The following ARHGAP21 variants were observed in gnomAD, a reference collection of about 807,000 sequenced individuals.
ARHGAP21 encodes the protein rho GTPase-activating protein 21.
In ARHGAP21, 38 loss-of-function variants were observed where a neutral mutation model predicts 164.6. The observed-to-expected ratio is 0.23, with a 90% CI of 0.18 to 0.30. ARHGAP21 has a LOEUF of 0.30. Ranked by LOEUF, ARHGAP21 falls within the 10% of genes least tolerant of loss-of-function variation. The probability of loss-of-function intolerance (pLI) is 1.00; values close to 1 mark genes in which losing one functional copy is unlikely to be tolerated. For synonymous variants in ARHGAP21, 766 were observed against 857.9 expected (o/e 0.89, Z 1.87); for missense variants, 1,822 against 2,370.7 (o/e 0.77, Z 4.81).
rs1834402585 is a variant in ARHGAP21 at position 24,620,192 on chromosome 10, T to C, written c.1703A>G (p.Asp568Gly). The stretch of plus-strand genomic sequence containing the variant: ...TCCTCTACCACTCATTCGCCTGTTA[T>C]CAGAATTAACAACGCTTGGAGCCAC... ...FTVAPSVVNSDNRRMSGRGVG... is the reference protein window; with the variant it reads ...FTVAPSVVNSGNRRMSGRGVG... The change falls in exon 9 of 26, where the codon GAT becomes GGT. Residue 568 changes from aspartate to glycine, a missense_variant. Asp to Gly is a moderately conservative substitution (Grantham distance 94, BLOSUM62 -1). Transcript: ENST00000396432. 8 of 1,614,004 alleles carry C rather than the reference T, an allele frequency of 5.0e-6. No individual in the cohort carries two copies. Among genetic ancestry groups the C allele is most frequent in the East Asian group, 2.2e-5 (1 of 44,882 alleles).
chr10:24,676,282 T>G (rs940875071), intron 2 of ARHGAP21, among the ~76,000 whole-genome samples: 2 of 152,246 alleles, frequency 1.3e-5, no homozygotes, highest in African/African-American at 2.4e-5. Context: ...AGTCTATCTC[T>G]TTTTTGCCAA....
At chr10:24,600,572 T>A in intron 14 of ARHGAP21, 74 bp downstream of exon 14, 4 of 1,502,050 alleles carry the variant, frequency 2.7e-6, no homozygotes, top group Non-Finnish European at 2.7e-6. Context: ...AAATGATATA[T>A]CATATTCCTT....
chr10:24,619,845 A>C lies in ARHGAP21; in HGVS notation c.2050T>G (p.Ser684Ala), dbSNP rs1282756606. The change falls in exon 9 of 26, where the codon TCT (serine) becomes GCT (alanine). Residue 684 changes from serine to alanine, a missense_variant. Around this residue, in one of 5 missense-constraint regions of ARHGAP21, gnomAD observed 1,090 missense variants for 1,378.9 expected, o/e 0.79. Coordinates refer to ENST00000396432, the MANE Select transcript of ARHGAP21 (RefSeq NM_020824.4). ...GGCTTGGCAGAGGCTCCAGATAAAG[A>C]GGGGGATTTCCCAGTCTCCACTTGC... is the stretch of plus-strand genomic sequence containing the variant. ...DQQVETGKSP[S>A]LSGASAKPAP... The C allele has an allele frequency of 6.2e-7, 1 of 1,614,114 alleles. No homozygotes were observed. The highest frequency in any genetic ancestry group is 2.2e-5 in the East Asian group (1 of 44,886).
At chr10:24,637,447 G>T (rs932155948) in intron 4 of ARHGAP21, among the ~76,000 whole-genome samples, 1 of 152,038 alleles carries the variant, frequency 6.6e-6, no homozygotes, top group African/African-American at 2.4e-5. Context: ...CTGCTTTCAT[G>T]GAAAGATTTA....
rs1459928430 is a variant in ARHGAP21 at position 24,585,854 on chromosome 10, T to C, written c.4435A>G (p.Thr1479Ala). 3 of 1,614,018 alleles carry C rather than the reference T, an allele frequency of 1.9e-6. No homozygotes were observed. The highest frequency in any genetic ancestry group is 2.5e-6 in the Non-Finnish European group (3 of 1,179,892). Residue 1479 changes from threonine to alanine, a missense_variant, in exon 26 of 26, where the codon ACT becomes GCT. Thr to Ala is a moderately conservative substitution (Grantham distance 58). Transcript: ENST00000396432. ...QKIIIAKENS[T>A]RKDPSTTKDE... ...TTTGTCGTGCTGGGGTCTTTCCTAGTGCTGTTTTCTTTGGCAATGATGATC... is the reference window on the plus strand; with the variant it reads ...TTTGTCGTGCTGGGGTCTTTCCTAGCGCTGTTTTCTTTGGCAATGATGATC...
rs570276175 is a variant in ARHGAP21 at position 24,722,292 on chromosome 10, G to T, written c.-380-13C>A. 3.3e-5 allele frequency: 7 copies of T among 210,870 alleles called. No individual in the cohort carries two copies. The South Asian group carries it at 5.3e-4, about 16-fold the overall frequency. 13.1% of individuals were successfully genotyped at this position (210,870 alleles called of 1,614,324 possible). A position where few individuals can be genotyped will look rare whatever the true frequency, so the allele number is the denominator to read the frequency against. ...TCCTAGAGAGATCCTAGGAAAACGAGAAGTTAAAGGTCATGAACTTTCTCC... is the reference window on the plus strand; with the variant it reads ...TCCTAGAGAGATCCTAGGAAAACGATAAGTTAAAGGTCATGAACTTTCTCC... On this transcript the variant is annotated splice_polypyrimidine_tract_variant and intron_variant, in intron 1 of 25. Transcript: ENST00000396432.
At chr10:24,680,214 C>A (rs549638678) in intron 2 of ARHGAP21, among the ~76,000 whole-genome samples, 7 of 152,152 alleles carry the variant, frequency 4.6e-5, no homozygotes, top group Admixed American at 3.9e-4. Flanking sequence ...AATTGTTTTT[C>A]ATCATCTCTT....
Position 24,654,452 on chromosome 10 carries a change from C to T in ARHGAP21, c.268+12533G>A, listed in dbSNP as rs560132930. 3.9e-5 allele frequency among the ~76,000 whole-genome samples: 6 copies of T among 152,222 alleles called. No homozygotes were observed. The East Asian group carries it at 1.2e-3, about 29-fold the overall frequency. ...AGTCTTAGGATACAAAATCAATGTG[C>T]AAAAATCACAAGCATTCCTATACAC... is the stretch of plus-strand genomic sequence containing the variant. On this transcript the variant is annotated intron_variant, in intron 4 of 25. Transcript: ENST00000396432.
At chr10:24,681,390 G>C (rs1003016897) in intron 2 of ARHGAP21, among the ~76,000 whole-genome samples, 1 of 152,132 alleles carries the variant, frequency 6.6e-6, no homozygotes, top group Non-Finnish European at 1.5e-5. Context: ...GAAAGAGATA[G>C]GGCTGTCACA....
At chr10:24,595,639 G>T in intron 19 of ARHGAP21, 78 bp downstream of exon 19, 1 of 1,426,266 alleles carries the variant, frequency 7.0e-7, no homozygotes, top group Non-Finnish European at 9.7e-7. Context: ...TTTTGTCCTT[G>T]TTCAATTTAA....
At chr10:24,706,282 AAT>A (rs1353637120) in intron 2 of ARHGAP21, among the ~76,000 whole-genome samples, 12 of 152,348 alleles carry the variant, frequency 7.9e-5, no homozygotes, top group African/African-American at 2.4e-4. Flanking sequence ...AAGCTCTGCA[AAT>A]AGTCTCATCT....
intron 2 of ARHGAP21, among the ~76,000 whole-genome samples, chr10:24,684,416 C>T (rs897491649): frequency 3.9e-4 from 59 of 152,228 alleles, no homozygotes; most frequent in Non-Finnish European, 6.5e-4. Context: ...CCACATTTAA[C>T]TATTACTACA....
At chr10:24,612,927 A>G (rs1386805299) in intron 9 of ARHGAP21, among the ~76,000 whole-genome samples, 2 of 152,320 alleles carry the variant, frequency 1.3e-5, no homozygotes, top group African/African-American at 2.4e-5. Flanking sequence ...GCCTTCTGAG[A>G]TATACACTCA....
intron 9 of ARHGAP21, among the ~76,000 whole-genome samples, chr10:24,609,414 G>C (rs1160974633): frequency 6.6e-6 from 1 of 152,196 alleles, no homozygotes; most frequent in South Asian, 2.1e-4. Flanking sequence ...AAACAGGTGG[G>C]AGGATAGATA....
intron 14 of ARHGAP21, among the ~76,000 whole-genome samples, chr10:24,598,835 T>C (rs2076692727): frequency 1.3e-5 from 2 of 152,220 alleles, no homozygotes; most frequent in African/African-American, 2.4e-5. Context: ...AGAATAAGAC[T>C]GCCTGGATTT....
chr10:24,598,779 T>C (rs185685198), intron 14 of ARHGAP21, among the ~76,000 whole-genome samples: 59 of 152,340 alleles, frequency 3.9e-4, no homozygotes, highest in Admixed American at 9.8e-4. Context: ...TGAATTTAAA[T>C]AGACTCTTCC....
intron 9 of ARHGAP21, among the ~76,000 whole-genome samples, chr10:24,618,220 G>C (rs1368394267): frequency 6.6e-6 from 1 of 152,102 alleles, no homozygotes; most frequent in Non-Finnish European, 1.5e-5. Context: ...CATTTAACCA[G>C]CATTTCAAAA....
chr10:24,668,490 C>A (rs978089662), intron 3 of ARHGAP21, among the ~76,000 whole-genome samples: 12 of 152,156 alleles, frequency 7.9e-5, no homozygotes, highest in African/African-American at 2.7e-4. Context: ...CAGGGTTAGG[C>A]CCCACCTCAT....
intron 2 of ARHGAP21, among the ~76,000 whole-genome samples, chr10:24,683,602 C>T (rs925639537): frequency 3.3e-5 from 5 of 152,094 alleles, no homozygotes; most frequent in Non-Finnish European, 7.4e-5. Context: ...AGCAATCCTC[C>T]CACCTCAGCC....
Sources: gnomAD v4.1 joint callset for allele counts (sites outside exome capture counted in the v4.1 genomes callset) on GRCh38, gnomAD v4.1.1 for gene constraint, gnomAD v4.1.1 regional missense constraint, MANE v1.5 for transcripts, NCBI Gene and HGNC (gene_info 2026-07-23, HGNC 2026-07-21) for gene names.